Variants in WNK4 observed in about 807,000 individuals in gnomAD.
WNK4 encodes the protein WNK lysine deficient protein kinase 4, also known as serine/threonine-protein kinase WNK4.
In WNK4, 94 loss-of-function variants were observed where a neutral mutation model predicts 116.2. That is an observed-to-expected ratio of 0.81 (90% CI 0.68 to 0.96). WNK4 has a LOEUF of 0.96. WNK4 is among the 40% of genes least tolerant of loss of function. The pLI is 0.00. For missense variants in WNK4, 1,542 were observed against 1,650.6 expected (o/e 0.93, Z 1.14); for synonymous variants, 655 against 672.7 (o/e 0.97, Z 0.41).
intron 11 of WNK4, among the ~76,000 whole-genome samples, chr17:42,792,876 G>T (rs2054620271): frequency 6.6e-6 from 1 of 152,208 alleles, no homozygotes; most frequent in Non-Finnish European, 1.5e-5. Context: ...GGCAGAAATT[G>T]TGTCCAAAAC....
intron 6 of WNK4, among the ~76,000 whole-genome samples, chr17:42,786,726 G>T (rs1418900720): frequency 1.3e-5 from 2 of 152,166 alleles, no homozygotes; most frequent in Non-Finnish European, 2.9e-5. Context: ...CATGACAGTT[G>T]CAAGGGTGGA....
intron 1 of WNK4, 128 bp downstream of exon 1, chr17:42,781,444 C>T (rs2054482854): frequency 7.2e-6 from 9 of 1,250,916 alleles, no homozygotes; most frequent in Middle Eastern, 2.7e-4. Context: ...TCTATAGACA[C>T]CTCTGCTGTC....
Position 42,794,848 on chromosome 17 carries a change from T to A in WNK4, c.2427T>A (p.Thr809=). 1.2e-6 allele frequency: 2 copies of A among 1,613,778 alleles called. No homozygotes were observed. Among genetic ancestry groups the A allele is most frequent in the South Asian group, 2.2e-5 (2 of 91,068 alleles). Reference sequence around the variant, plus strand: ...CCACCTCCTCATCTTCTCCTGGAACTCCTTTGTCTCCTGGAAACCCATTTT... The same window carrying A: ...CCACCTCCTCATCTTCTCCTGGAACACCTTTGTCTCCTGGAAACCCATTTT... ...AFSTSSSSPG[T]PLSPGNPFSP... The change falls in exon 14 of 19, where the codon ACT becomes ACA. Residue 809 remains threonine, a synonymous_variant. Transcript: ENST00000246914.
intron 2 of WNK4, 95 bp from the exon 3 acceptor site, chr17:42,783,842 C>T (rs1320106190): frequency 8.3e-7 from 1 of 1,208,368 alleles, no homozygotes; most frequent in South Asian, 1.3e-5. Context: ...GCGGAGGCGG[C>T]AGCAGGGTGC....
rs375116020 is a variant in WNK4 at position 42,795,677 on chromosome 17, G to A, written c.3075G>A (p.Pro1025=). 37 of 1,613,026 alleles carry A rather than the reference G, an allele frequency of 2.3e-5. No homozygotes were observed. The highest frequency in any genetic ancestry group is 1.2e-4 in the African/African-American group (9 of 74,920). The change falls in exon 16 of 19, where the codon CCG becomes CCA. Residue 1025 remains proline (P), a synonymous_variant. Coordinates refer to ENST00000246914, the MANE Select transcript of WNK4 (RefSeq NM_032387.5). ...GRFQVTSSKE[P]AEPLPLQPTS... is the part of the protein sequence containing the mutation. ...TCCAAGTGACTTCATCCAAGGAACC[G>A]GCTGAGCCTCTTCCCTTGCAGCCAA...
chr17:42,793,274 G>A (rs895733735), intron 11 of WNK4, among the ~76,000 whole-genome samples: 2 of 151,998 alleles, frequency 1.3e-5, no homozygotes, highest in East Asian at 1.9e-4. Flanking sequence ...GCTGGAGTGC[G>A]GTGGTGTGAT....
rs1039561302 is a variant in WNK4 at position 42,782,107 on chromosome 17, C to T, written c.619-651C>T. On this transcript the variant is annotated intron_variant, in intron 1 of 18. Transcript: ENST00000246914. This position sits in a 1 kb window ranked among gnomAD's most constrained non-coding sequence, Gnocchi z 4.2. ...GGGGACAGAGCCTAGGGGAAGGGTC[C>T]CTCTCCAGCCCTGGCACAGGGCTCG... Among the ~76,000 whole-genome samples the T allele has an allele frequency of 6.6e-5, 10 of 152,194 alleles. No individual in the cohort carries two copies. The highest frequency in any genetic ancestry group is 1.5e-4 in the Non-Finnish European group (10 of 68,018).
At position 42,784,131 on chromosome 17, in the gene WNK4, G is replaced by A. The variant is rs1274944321; in HGVS notation, c.986G>A (p.Arg329His). 3.1e-6 allele frequency: 5 copies of A among 1,608,014 alleles called. No individual in the cohort carries two copies. The highest frequency in any genetic ancestry group is 1.1e-5 in the South Asian group (1 of 91,086). The stretch of plus-strand genomic sequence containing the variant: ...GACCTGGGCCTGGCCACGCTCAAGC[G>A]CGCCTCCTTTGCCAAGAGTGTCATC... ...IGDLGLATLKRASFAKSVIGT... is the reference protein window; with the variant it reads ...IGDLGLATLKHASFAKSVIGT... The change falls in exon 3 of 19, where the codon CGC (arginine) becomes CAC (histidine). Residue 329 changes from arginine to histidine, a missense_variant. Around this residue, in one of 7 missense-constraint regions of WNK4, gnomAD observed 808 missense variants for 873.6 expected, o/e 0.92. Coordinates refer to ENST00000246914, the MANE Select transcript of WNK4 (RefSeq NM_032387.5). The surrounding 1 kb of genome is among the most constrained non-coding windows in gnomAD (Gnocchi z 4.4).
Position 42,784,495 on chromosome 17 carries a change from C to T in WNK4, c.1086C>T (p.Gly362=). ...AGGCCGTGGACGTGTACGCGTTCGG[C>T]ATGTGCATGCTGGAGATGGCCACCT... ...YDEAVDVYAF[G]MCMLEMATSE... is the part of the protein sequence containing the mutation. The change falls in exon 4 of 19, where the codon GGC becomes GGT. Residue 362 remains glycine, a synonymous_variant. Transcript: ENST00000246914. This position sits in a 1 kb window ranked among gnomAD's most constrained non-coding sequence, Gnocchi z 4.4. 1 of 1,614,024 alleles carries T rather than the reference C, an allele frequency of 6.2e-7. No homozygotes were observed. Among genetic ancestry groups the T allele is most frequent in the South Asian group, 1.1e-5 (1 of 91,018 alleles).
chr17:42,793,464 C>A (rs2054626354), intron 11 of WNK4, 128 bp from the exon 12 acceptor site: 1 of 1,299,024 alleles, frequency 7.7e-7, no homozygotes, highest in Non-Finnish European at 1.1e-6. Context: ...CCCGCCTCGG[C>A]CTCCCAAAGT....
At chr17:42,788,881 T>C in intron 11 of WNK4, 84 bp downstream of exon 11, 1 of 1,091,002 alleles carries the variant, frequency 9.2e-7, no homozygotes, top group South Asian at 1.2e-5. Flanking sequence ...TGAAACCCAC[T>C]GATCCGACAG....
chr17:42,788,173 T>A lies in WNK4; in HGVS notation c.1907T>A (p.Phe636Tyr). The A allele has an allele frequency of 1.9e-6, 3 of 1,614,150 alleles. No homozygotes were observed. The highest frequency in any genetic ancestry group is 2.5e-6 in the Non-Finnish European group (3 of 1,180,024). ...SIPRSGPGSD[F>Y]SPGDSYASDA... ...CCACGTTCTGGCCCTGGAAGTGACT[T>A]TTCCCCCGGGGACAGGTATGTTCTG... The change falls in exon 9 of 19, where the codon TTT becomes TAT. Residue 636 changes from phenylalanine (F) to tyrosine (Y), a missense_variant. Physicochemically the swap from Phe to Tyr is conservative, Grantham distance 22. Coordinates refer to ENST00000246914, the MANE Select transcript of WNK4 (RefSeq NM_032387.5).
Position 42,780,624 on chromosome 17 carries a change from C to T in WNK4, c.-75C>T, listed in dbSNP as rs1597892116. Reference sequence around the variant, plus strand: ...GCCGCTCAGCCGGAGCGCAGCGCACCCAGCGAGTCCGTCTGTCAGGCCGCC... The same window carrying T: ...GCCGCTCAGCCGGAGCGCAGCGCACTCAGCGAGTCCGTCTGTCAGGCCGCC... On this transcript the variant is annotated 5_prime_UTR_variant, in exon 1 of 19. Coordinates refer to ENST00000246914, the MANE Select transcript of WNK4 (RefSeq NM_032387.5). The T allele has an allele frequency of 6.3e-7, 1 of 1,579,300 alleles. No individual in the cohort carries two copies. Among genetic ancestry groups the T allele is most frequent in the Admixed American group, 1.7e-5 (1 of 59,554 alleles).
rs780371597 is a variant in WNK4 at position 42,793,715 on chromosome 17, A to AC, written c.2284dup (p.Leu762ProfsTer23). The AC allele has an allele frequency of 1.9e-6, 3 of 1,613,904 alleles. No homozygotes were observed. The highest frequency in any genetic ancestry group is 2.5e-6 in the Non-Finnish European group (3 of 1,179,972). The stretch of plus-strand genomic sequence containing the variant: ...TGGCCCCATGGAGGCTGCTGAAGAC[A>AC]CCCTAAGCCCCCAGGTCAGACCCCT... On this transcript the variant is annotated frameshift_variant, in exon 12 of 19. Coordinates refer to ENST00000246914, the MANE Select transcript of WNK4 (RefSeq NM_032387.5). LOFTEE classifies it high-confidence loss of function.
chr17:42,787,852 G>T lies in WNK4; in HGVS notation c.1816G>T (p.Gly606Trp), dbSNP rs1280233440. ...DASDPALQPP[G>W]GVPSSLAESH... Reference sequence around the variant, plus strand: ...CTCAGACCCTGCCCTTCAGCCCCCTGGGGGGGTGCCATCCAGCCTGGCTGA... The same window carrying T: ...CTCAGACCCTGCCCTTCAGCCCCCTTGGGGGGTGCCATCCAGCCTGGCTGA... The change falls in exon 8 of 19, where the codon GGG becomes TGG. Residue 606 changes from glycine (G) to tryptophan (W), a missense_variant. Coordinates refer to ENST00000246914, the MANE Select transcript of WNK4 (RefSeq NM_032387.5). 6.2e-7 allele frequency: 1 copy of T among 1,610,594 alleles called. No homozygotes were observed. Among genetic ancestry groups the T allele is most frequent in the Non-Finnish European group, 8.5e-7 (1 of 1,179,688 alleles).
At chr17:42,781,635 G>GGT (rs1444454160) in intron 1 of WNK4, among the ~76,000 whole-genome samples, 4 of 152,118 alleles carry the variant, frequency 2.6e-5, no homozygotes, top group African/African-American at 9.7e-5. Context: ...GTTTCCTGCT[G>GGT]GTGGGTACCC....
In WNK4 at chr17:42,780,822, C is replaced by G. The variant is rs1363717726; in HGVS notation, c.124C>G (p.Arg42Gly). ...GQPRLGPPPR[R>G]ARRFSGKAEP... ...GCCCCGCCTCGGGCCCCCTCCTCGC[C>G]GAGCGCGCCGCTTCTCCGGGAAGGC... The change falls in exon 1 of 19, where the codon CGA (arginine) becomes GGA (glycine). Residue 42 changes from arginine to glycine, a missense_variant. Around this residue, in one of 7 missense-constraint regions of WNK4, gnomAD observed 243 missense variants for 217.8 expected, o/e 1.12. Transcript: ENST00000246914. 9 of 1,601,422 alleles carry G rather than the reference C, an allele frequency of 5.6e-6. No individual in the cohort carries two copies. Among genetic ancestry groups the G allele is most frequent in the Non-Finnish European group, 7.6e-6 (9 of 1,178,078 alleles).
At chr17:42,788,037 T>A (rs754263447) in intron 8 of WNK4, 93 bp from the exon 9 acceptor site, 1 of 1,584,678 alleles carries the variant, frequency 6.3e-7, no homozygotes. Context: ...CCTAATTCCA[T>A]CTCCCTAATA....
At position 42,795,911 on chromosome 17, in the gene WNK4, G is replaced by A; in HGVS notation, c.3309G>A (p.Leu1103=). The A allele has an allele frequency of 6.2e-7, 1 of 1,611,848 alleles. No homozygotes were observed. Among genetic ancestry groups the A allele is most frequent in the Non-Finnish European group, 8.5e-7 (1 of 1,178,724 alleles). Residue 1103 remains leucine, a synonymous_variant, in exon 16 of 19, where the codon CTG becomes CTA. Coordinates refer to ENST00000246914, the MANE Select transcript of WNK4 (RefSeq NM_032387.5). ...EPQVGGSPQP[L]SHPSPVWMNY... ...AAGTTGGGGGCAGCCCCCAACCCCT[G>A]AGCCATCCCAGCCCAGTGTGGATGA...
Sources: gnomAD v4.1 joint callset for allele counts (sites outside exome capture counted in the v4.1 genomes callset) on GRCh38, gnomAD v4.1.1 for gene constraint, gnomAD v4.1.1 regional missense constraint, Gnocchi (gnomAD v3.1) non-coding constraint, MANE v1.5 for transcripts, NCBI Gene and HGNC (gene_info 2026-07-23, HGNC 2026-07-21) for gene names.